The following DGKB variants were observed in gnomAD, a reference collection of about 807,000 sequenced individuals.
DGKB encodes diacylglycerol kinase beta.
In DGKB, 67 loss-of-function variants were observed where a neutral mutation model predicts 114.3. The observed-to-expected ratio is 0.59, with a 90% CI of 0.48 to 0.72. DGKB has a LOEUF of 0.72. Among genes scored for constraint, DGKB ranks in the 30% least tolerant of loss-of-function variants. The pLI, the probability that DGKB is intolerant of heterozygous loss-of-function variation, is 0.00. For synonymous variants in DGKB, 398 were observed against 323.1 expected, an observed-to-expected ratio of 1.23 and a Z score of -2.49; for missense variants, 907 against 975.2, an observed-to-expected ratio of 0.93 and a Z score of 0.93.
chr7:14,505,247 G>T (rs976999981), intron 20 of DGKB, among the ~76,000 whole-genome samples: 2 of 152,114 alleles, frequency 1.3e-5, no homozygotes, highest in African/African-American at 4.8e-5. Flanking sequence ...CTGAAATCAG[G>T]AGTTTGAGAC....
intron 13 of DGKB, among the ~76,000 whole-genome samples, chr7:14,671,369 T>C (rs536517180): frequency 1.6e-4 from 25 of 152,226 alleles, no homozygotes; most frequent in African/African-American, 5.3e-4. Context: ...TCAGAGTAGA[T>C]AGTACCACAA....
rs182616443 is a variant in DGKB at position 14,359,641 on chromosome 7, T to G, written c.1836-14250A>C. Among the ~76,000 whole-genome samples, 76 of 152,004 alleles carry G rather than the reference T, an allele frequency of 5.0e-4. 1 individual carries two copies. The highest frequency in any genetic ancestry group is 1.7e-3 in the African/African-American group (70 of 41,466). ...TCAAGATAAAAAGCAAACAACCCCA[T>G]CAAAAAGTGGGCAAAGGATATGAAC... On this transcript the variant is annotated intron_variant, in intron 21 of 25. Transcript: ENST00000402815.
intron 23 of DGKB, among the ~76,000 whole-genome samples, chr7:14,281,117 T>A (rs555399722): frequency 1.4e-5 from 2 of 145,938 alleles, no homozygotes; most frequent in Non-Finnish European, 3.0e-5. Flanking sequence ...AGGAAACCCA[T>A]CTCATGTGCA....
chr7:14,846,127 G>C (rs1848594766), intron 1 of DGKB, among the ~76,000 whole-genome samples: 1 of 152,108 alleles, frequency 6.6e-6, no homozygotes, highest in Non-Finnish European at 1.5e-5. Context: ...AGCTTCTCTG[G>C]ATTGATCTAC....
Position 14,278,939 on chromosome 7 carries a change from C to T in DGKB, c.2122+59576G>A, listed in dbSNP as rs151044849. On this transcript the variant is annotated intron_variant, in intron 23 of 25. Transcript: ENST00000402815. ...CTCCCAGCCTGAGCAACGCAGAAGACGGGGGATTTCTGCATTTCCATCTGA... is the reference window on the plus strand; with the variant it reads ...CTCCCAGCCTGAGCAACGCAGAAGATGGGGGATTTCTGCATTTCCATCTGA... Among the ~76,000 whole-genome samples the T allele has an allele frequency of 1.1e-3, 173 of 152,188 alleles. 2 individuals carry two copies. The East Asian group carries it at 0.028, about 25-fold the overall frequency.
chr7:14,770,134 A>G (rs1157440184), intron 2 of DGKB, among the ~76,000 whole-genome samples: 2 of 152,140 alleles, frequency 1.3e-5, no homozygotes, highest in East Asian at 3.9e-4. Context: ...ATTTTGTAAA[A>G]TTGTTATGTG....
chr7:14,821,128 C>A (rs531884266), intron 2 of DGKB, among the ~76,000 whole-genome samples: 1 of 152,198 alleles, frequency 6.6e-6, no homozygotes, highest in African/African-American at 2.4e-5. Context: ...AGGGTAAAAT[C>A]TTAAAGTTAG....
At chr7:14,636,546 C>T (rs1187567990) in intron 13 of DGKB, among the ~76,000 whole-genome samples, 2 of 151,726 alleles carry the variant, frequency 1.3e-5, no homozygotes, top group Non-Finnish European at 3.0e-5. Flanking sequence ...ATCCAGTGTA[C>T]TAGGAAATCT....
intron 25 of DGKB, among the ~76,000 whole-genome samples, chr7:14,172,789 C>A (rs930494481): frequency 2.0e-5 from 3 of 152,070 alleles, no homozygotes; most frequent in Admixed American, 1.3e-4. Flanking sequence ...GCTGGTTGTA[C>A]AGATACAAAA....
intron 21 of DGKB, among the ~76,000 whole-genome samples, chr7:14,436,007 C>T (rs1166087074): frequency 6.6e-6 from 1 of 151,906 alleles, no homozygotes; most frequent in East Asian, 1.9e-4. Flanking sequence ...CTTTTTGGCA[C>T]AAAATATTTC....
At chr7:14,238,946 A>C (rs145350026) in intron 23 of DGKB, among the ~76,000 whole-genome samples, 1 of 152,208 alleles carries the variant, frequency 6.6e-6, no homozygotes, top group East Asian at 1.9e-4. Flanking sequence ...ATCTAAAACA[A>C]TGATTATGTT....
At chr7:14,243,079 A>G (rs1562719803) in intron 23 of DGKB, among the ~76,000 whole-genome samples, 1 of 152,154 alleles carries the variant, frequency 6.6e-6, no homozygotes, top group African/African-American at 2.4e-5. Flanking sequence ...TAAATGGAAA[A>G]GTCTATGAGG....
rs1379638407 is a variant in DGKB at position 14,656,854 on chromosome 7, G to A, written c.1134+16075C>T. On this transcript the variant is annotated intron_variant, in intron 13 of 25. Transcript: ENST00000402815. The stretch of plus-strand genomic sequence containing the variant: ...ATACAACTCTACCTTATGCATTTAG[G>A]TAGAAACAAAAACAATTGTCTACAA... Among the ~76,000 whole-genome samples, 3 of 151,062 alleles carry A rather than the reference G, an allele frequency of 2.0e-5. No homozygotes were observed. The Admixed American group carries it at 2.0e-4, about 10-fold the overall frequency.
chr7:14,247,773 A>AAT (rs1372141293), intron 23 of DGKB, among the ~76,000 whole-genome samples: 2 of 151,934 alleles, frequency 1.3e-5, no homozygotes, highest in African/African-American at 4.8e-5. Context: ...ATAATTTACA[A>AAT]ATATTTTCTT....
intron 23 of DGKB, among the ~76,000 whole-genome samples, chr7:14,211,322 A>ACTCTCATGTTTTGTGATTTTACTC (rs1787790822): frequency 8.9e-6 from 1 of 112,042 alleles, no homozygotes; most frequent in African/African-American, 4.1e-5. Flanking sequence ...TGTGATATTT[A>ACTCTCATGTTTTGTGATTTTACTC]CTCTCATGTT....
At chr7:14,661,033 C>T (rs1358959404) in intron 13 of DGKB, among the ~76,000 whole-genome samples, 3 of 150,076 alleles carry the variant, frequency 2.0e-5, no homozygotes, top group Non-Finnish European at 4.5e-5. Context: ...CCCTTCCTTA[C>T]ACCTTATACA....
chr7:14,240,988 C>T (rs1195834423), intron 23 of DGKB, among the ~76,000 whole-genome samples: 2 of 152,118 alleles, frequency 1.3e-5, no homozygotes, highest in African/African-American at 4.8e-5. Flanking sequence ...ATCAAGTCAG[C>T]TCTGTCCTTT....
At chr7:14,300,653 T>A (rs1446048475) in intron 23 of DGKB, among the ~76,000 whole-genome samples, 10 of 152,140 alleles carry the variant, frequency 6.6e-5, no homozygotes, top group African/African-American at 2.2e-4. Context: ...TTTTGTTGGT[T>A]TTTTAAAGAC....
At chr7:14,782,683 T>C (rs1839300269) in intron 2 of DGKB, among the ~76,000 whole-genome samples, 1 of 152,136 alleles carries the variant, frequency 6.6e-6, no homozygotes, top group Admixed American at 6.5e-5. Flanking sequence ...GGTTGGAGAA[T>C]GTCCTTCTGA....
Sources: gnomAD v4.1 joint callset for allele counts (sites outside exome capture counted in the v4.1 genomes callset) on GRCh38, gnomAD v4.1.1 for gene constraint, MANE v1.5 for transcripts, NCBI Gene and HGNC (gene_info 2026-07-23, HGNC 2026-07-21) for gene names.